Variants in FGD5 observed in about 807,000 individuals in gnomAD.
FGD5 encodes the protein FYVE, RhoGEF and PH domain-containing protein 5.
FGD5 carries 28 observed loss-of-function variants against 133.4 expected under a neutral mutation model. That is an observed-to-expected ratio of 0.21 (90% CI 0.16 to 0.29). The LOEUF (loss-of-function observed/expected upper bound fraction) is 0.29, where lower values mean the gene tolerates loss of function less well. Ranked by LOEUF, FGD5 falls within the 10% of genes least tolerant of loss-of-function variation. The pLI, the probability that FGD5 is intolerant of heterozygous loss-of-function variation, is 1.00. For missense variants in FGD5, 1,858 were observed against 1,895.2 expected, an observed-to-expected ratio of 0.98 and a Z score of 0.36; for synonymous variants, 810 against 776.5, an observed-to-expected ratio of 1.04 and a Z score of -0.72.
rs1437368139 is a variant in FGD5, at chr3:14,923,998, TC to T, written c.3938-9del. ...TCACCTCCCTTCCATGTGGCTTCTTTCAGTTACAGAGCGGCCTGTGAGCATG... is the reference window on the plus strand; with the variant it reads ...TCACCTCCCTTCCATGTGGCTTCTTTAGTTACAGAGCGGCCTGTGAGCATG... On this transcript the variant is annotated splice_polypyrimidine_tract_variant and intron_variant, in intron 16 of 19. Transcript: ENST00000285046. The T allele has an allele frequency of 6.2e-7, 1 of 1,613,878 alleles. No individual in the cohort carries two copies. The highest frequency in any genetic ancestry group is 8.5e-7 in the Non-Finnish European group (1 of 1,179,848).
At chr3:14,853,844 C>T (rs528724617) in intron 1 of FGD5, among the ~76,000 whole-genome samples, 5 of 88,218 alleles carry the variant, frequency 5.7e-5, no homozygotes, top group African/African-American at 2.2e-4. Flanking sequence ...GGACTAGGCT[C>T]ATTTGGAGCC....
chr3:14,904,422 A>G (rs771053939), intron 9 of FGD5, among the ~76,000 whole-genome samples: 3 of 151,804 alleles, frequency 2.0e-5, no homozygotes, highest in Non-Finnish European at 4.4e-5. Context: ...TTATTTCTCA[A>G]ATTGTTTCAG....
At chr3:14,921,693 TATC>T (rs2038683511) in intron 13 of FGD5, among the ~76,000 whole-genome samples, 1 of 152,164 alleles carries the variant, frequency 6.6e-6, no homozygotes, top group Non-Finnish European at 1.5e-5. Context: ...GTTAGGGGAA[TATC>T]ATTATTCCAG....
intron 4 of FGD5, among the ~76,000 whole-genome samples, chr3:14,885,476 C>G (rs115288333): frequency 0.041 from 6,227 of 152,224 alleles, 165 homozygotes; most frequent in Middle Eastern, 0.068. Context: ...ACAGTTTGCT[C>G]TTTGATCATA....
chr3:14,874,152 G>T (rs375781884), intron 2 of FGD5, among the ~76,000 whole-genome samples: 9 of 152,220 alleles, frequency 5.9e-5, no homozygotes, highest in African/African-American at 2.2e-4. Flanking sequence ...AATGAACTTG[G>T]AGGGCTTGAT....
chr3:14,910,618 T>C (rs868033358), intron 10 of FGD5, among the ~76,000 whole-genome samples: 1 of 152,184 alleles, frequency 6.6e-6, no homozygotes, highest in Non-Finnish European at 1.5e-5. Flanking sequence ...GGTGGTGTCT[T>C]TCAGGACTAT....
chr3:14,918,936 C>A, intron 13 of FGD5, 103 bp downstream of exon 13: 1 of 1,279,302 alleles, frequency 7.8e-7, no homozygotes. Flanking sequence ...TGGTATCCTT[C>A]TGGGTCAAAG....
At chr3:14,870,473 C>T (rs2037585061) in intron 2 of FGD5, among the ~76,000 whole-genome samples, 1 of 152,210 alleles carries the variant, frequency 6.6e-6, no homozygotes, top group Non-Finnish European at 1.5e-5. Flanking sequence ...AAGCCCTGAG[C>T]CTCAGCCCTG....
intron 1 of FGD5, among the ~76,000 whole-genome samples, chr3:14,852,699 T>G (rs2037188624): frequency 6.6e-6 from 1 of 152,212 alleles, no homozygotes; most frequent in Admixed American, 6.5e-5. Context: ...GATGAACTTT[T>G]GTTTTTACTT....
intron 1 of FGD5, among the ~76,000 whole-genome samples, chr3:14,839,200 A>T (rs1559475042): frequency 6.6e-6 from 1 of 152,150 alleles, no homozygotes. Flanking sequence ...GTCATTTCTG[A>T]CCTGGGAGGA....
At chr3:14,903,737 G>C (rs1359362892) in intron 9 of FGD5, among the ~76,000 whole-genome samples, 1 of 152,088 alleles carries the variant, frequency 6.6e-6, no homozygotes, top group East Asian at 1.9e-4. Context: ...TGCTACATGT[G>C]TTACATTAAC....
intron 1 of FGD5, among the ~76,000 whole-genome samples, chr3:14,846,155 G>T (rs141747239): frequency 6.6e-6 from 1 of 152,162 alleles, no homozygotes; most frequent in Non-Finnish European, 1.5e-5. Flanking sequence ...AATTGAACCC[G>T]TGTGGCTGGT....
At position 14,897,307 on chromosome 3, in the gene FGD5, AG is replaced by A. The variant is rs1380596404; in HGVS notation, c.2749-201del. ...TTGGGTTGGGTGCTCTTTGGGTGTC[AG>A]CTCAGGCAGCCCTATGGTCGCCAGG... On this transcript the variant is annotated intron_variant, in intron 4 of 19. Transcript: ENST00000285046. 20 of 593,304 alleles carry A rather than the reference AG, an allele frequency of 3.4e-5. No homozygotes were observed. In the African/African-American group the frequency reaches 3.8e-4, roughly 11 times the overall value. 36.8% of individuals were successfully genotyped at this position (593,304 alleles called of 1,614,324 possible). A position where few individuals can be genotyped will look rare whatever the true frequency, so the allele number is the denominator to read the frequency against.
chr3:14,914,450 G>C (rs967061953), intron 11 of FGD5, among the ~76,000 whole-genome samples: 3 of 152,230 alleles, frequency 2.0e-5, no homozygotes, highest in Non-Finnish European at 4.4e-5. Context: ...CTTTGAAGCA[G>C]GCAGGAGAGC....
intron 10 of FGD5, 121 bp from the exon 11 acceptor site, chr3:14,910,740 G>T: frequency 2.6e-6 from 2 of 772,356 alleles, no homozygotes; most frequent in Middle Eastern, 2.5e-4. Context: ...CCACTCAGGG[G>T]CCTCCCCTGC....
intron 4 of FGD5, among the ~76,000 whole-genome samples, chr3:14,893,745 C>CTTTT (rs1184804114): frequency 1.1e-5 from 1 of 89,112 alleles, no homozygotes; most frequent in African/African-American, 4.2e-5. Flanking sequence ...TCTTTCTTTT[C>CTTTT]TTTTTTCTTT....
intron 1 of FGD5, among the ~76,000 whole-genome samples, chr3:14,834,123 A>G (rs1245176331): frequency 1.3e-5 from 2 of 152,236 alleles, no homozygotes; most frequent in Non-Finnish European, 1.5e-5. Flanking sequence ...ATGCCAATTA[A>G]TGAGATTGTC....
chr3:14,839,436 C>A (rs746117553), intron 1 of FGD5, among the ~76,000 whole-genome samples: 1 of 152,148 alleles, frequency 6.6e-6, no homozygotes, highest in Non-Finnish European at 1.5e-5. Context: ...GTCAGACCTT[C>A]CCCTCCCCCT....
intron 15 of FGD5, 30 bp from the exon 16 acceptor site, chr3:14,923,016 G>A (rs781072199): frequency 8.7e-6 from 14 of 1,613,358 alleles, no homozygotes; most frequent in African/African-American, 2.7e-5. Context: ...GCACTGAGAG[G>A]GGTGAGAATC....
Sources: gnomAD v4.1 joint callset for allele counts (sites outside exome capture counted in the v4.1 genomes callset) on GRCh38, gnomAD v4.1.1 for gene constraint, MANE v1.5 for transcripts, NCBI Gene and HGNC (gene_info 2026-07-23, HGNC 2026-07-21) for gene names.